The following COMMD3 variants were observed in gnomAD, a reference collection of about 807,000 sequenced individuals.
COMMD3 encodes the protein COMM domain-containing protein 3.
Under a neutral mutation model 31.2 loss-of-function variants are expected in COMMD3, and 31 were observed. The observed-to-expected ratio is 0.99, with a 90% CI of 0.75 to 1.34. The LOEUF is 1.34. COMMD3 is among the 40% of genes most tolerant of loss of function. The pLI is 0.00. For missense variants in COMMD3, 274 were observed against 236.9 expected (o/e 1.16, Z -1.03); for synonymous variants, 108 against 87.3 (o/e 1.24, Z -1.32).
At chr10:22,317,529 A>G (rs1835873727) in intron 1 of COMMD3, 1 of 174,824 alleles carries the variant, frequency 5.7e-6, no homozygotes, top group Admixed American at 5.7e-5. Context: ...AGTTTATTCT[A>G]AAATTGACAC....
intron 4 of COMMD3, 60 bp from the exon 5 acceptor site, chr10:22,318,593 T>C (rs1835898391): frequency 6.9e-7 from 1 of 1,442,276 alleles, no homozygotes; most frequent in Non-Finnish European, 9.7e-7. Context: ...TTAGTAAATA[T>C]AAATAACTGA....
At chr10:22,319,790 A>G (rs2131994173) in intron 7 of COMMD3, 149 bp from the exon 8 acceptor site, 1 of 927,294 alleles carries the variant, frequency 1.1e-6, no homozygotes, top group Middle Eastern at 3.4e-4. Context: ...TTTTTGCCCG[A>G]TAGTAGTTTG....
Position 22,316,532 on chromosome 10 carries a change from GC to G in COMMD3, c.118del (p.Gln40ArgfsTer7), listed in dbSNP as rs1835852979. On this transcript the variant is annotated frameshift_variant, in exon 1 of 8. Coordinates refer to ENST00000376836, the MANE Select transcript of COMMD3 (RefSeq NM_012071.4). LOFTEE classifies it high-confidence loss of function. ...LRAAFQSLLD[A>X]QADEAVLDHP... is the part of the protein sequence containing the mutation. ...GGCGGCATTCCAGAGTCTGCTGGACGCCCAGGCGGACGAGGCCGTGTTAGGT... is the reference window on the plus strand; with the variant it reads ...GGCGGCATTCCAGAGTCTGCTGGACGCCAGGCGGACGAGGCCGTGTTAGGT... The G allele has an allele frequency of 1.3e-6, 2 of 1,549,078 alleles. No individual in the cohort carries two copies. Among genetic ancestry groups the G allele is most frequent in the Middle Eastern group, 1.7e-4 (1 of 5,974 alleles).
chr10:22,318,276 A>G lies in COMMD3; in HGVS notation c.320A>G (p.Asn107Ser). The change falls in exon 4 of 8, where the codon AAT (asparagine) becomes AGT (serine). Residue 107 changes from asparagine to serine, a missense_variant. Transcript: ENST00000376836. The part of the protein sequence containing the change: ...IELFCTEYQN[N>S]KNSLEILLGS... ...TGCTTTCTTTTTTCTCTCCAGAATA[A>G]TAAGAATTCCCTAGAAATCCTACTG... The G allele has an allele frequency of 1.5e-5, 24 of 1,602,868 alleles. No homozygotes were observed. The highest frequency in any genetic ancestry group is 1.9e-5 in the Non-Finnish European group (22 of 1,177,248).
In COMMD3 at chr10:22,320,229, T is replaced by C; in HGVS notation, c.*231T>C. 1 of 1,188,072 alleles carries C rather than the reference T, an allele frequency of 8.4e-7. No individual in the cohort carries two copies. The highest frequency in any genetic ancestry group is 2.9e-5 in the East Asian group (1 of 34,710). The allele number at this position is 1,188,072 out of a possible 1,614,324, so 73.6% of individuals were successfully genotyped here. A position where few individuals can be genotyped will look rare whatever the true frequency, so the allele number is the denominator to read the frequency against. On this transcript the variant is annotated 3_prime_UTR_variant, in exon 8 of 8. Coordinates refer to ENST00000376836, the MANE Select transcript of COMMD3 (RefSeq NM_012071.4). ...TAGTAGTAACTGTCCATTTATCCTA[T>C]TTTGATCTTTTTCAAGTCTTCTGAA...
chr10:22,318,323 G>T lies in COMMD3; in HGVS notation c.350+17G>T. 6.3e-7 allele frequency: 1 copy of T among 1,588,860 alleles called. No homozygotes were observed. Among genetic ancestry groups the T allele is most frequent in the Admixed American group, 1.9e-5 (1 of 52,770 alleles). ...ACTGGGAAGGTAGGTACTGTATAAG[G>T]TGTCAAGCTGAGGCACTTTTCACTT... On this transcript the variant is annotated intron_variant, in intron 4 of 7. Coordinates refer to ENST00000376836, the MANE Select transcript of COMMD3 (RefSeq NM_012071.4).
chr10:22,319,923 T>C lies in COMMD3; in HGVS notation c.529-16T>C. 6.2e-7 allele frequency: 1 copy of C among 1,614,080 alleles called. No individual in the cohort carries two copies. Among genetic ancestry groups the C allele is most frequent in the South Asian group, 1.1e-5 (1 of 91,088 alleles). On this transcript the variant is annotated splice_polypyrimidine_tract_variant and intron_variant, in intron 7 of 7. Transcript: ENST00000376836. The stretch of plus-strand genomic sequence containing the variant: ...GTTTTATCCTAAAAACGTGGTATTG[T>C]ATACACGTCTTTTAGGACTTGGTGG...
At chr10:22,318,738 C>G (rs763877450) in intron 5 of COMMD3, 25 bp downstream of exon 5, 2 of 1,612,086 alleles carry the variant, frequency 1.2e-6, no homozygotes, top group Admixed American at 3.3e-5. Flanking sequence ...ACTTCTCTAG[C>G]GGGGGATTTA....
Position 22,316,405 on chromosome 10 carries a change from C to A in COMMD3, c.-13C>A, listed in dbSNP as rs750185070. 2 of 1,492,700 alleles carry A rather than the reference C, an allele frequency of 1.3e-6. No individual in the cohort carries two copies. The highest frequency in any genetic ancestry group is 1.4e-5 in the African/African-American group (1 of 70,002). The allele number at this position is 1,492,700 out of a possible 1,614,324, so 92.5% of individuals were successfully genotyped here. On this transcript the variant is annotated 5_prime_UTR_variant, in exon 1 of 8. Transcript: ENST00000376836. ...CACGTGGTGTGCGTGTCGAAGGTCA[C>A]GGCGCGCTCACAATGGAGCTCTCGG...
At position 22,320,228 on chromosome 10, in the gene COMMD3, A is replaced by G. The variant is rs577323828; in HGVS notation, c.*230A>G. 1.3e-5 allele frequency: 16 copies of G among 1,203,766 alleles called. No homozygotes were observed. In the South Asian group the frequency reaches 1.8e-4, roughly 13 times the overall value. 74.6% of individuals were successfully genotyped at this position (1,203,766 alleles called of 1,614,324 possible). Reference sequence around the variant, plus strand: ...TTAGTAGTAACTGTCCATTTATCCTATTTTGATCTTTTTCAAGTCTTCTGA... The same window carrying G: ...TTAGTAGTAACTGTCCATTTATCCTGTTTTGATCTTTTTCAAGTCTTCTGA... On this transcript the variant is annotated 3_prime_UTR_variant, in exon 8 of 8. Coordinates refer to ENST00000376836, the MANE Select transcript of COMMD3 (RefSeq NM_012071.4).
chr10:22,316,665 C>G (rs1835856284), intron 1 of COMMD3, 109 bp downstream of exon 1: 1 of 1,361,784 alleles, frequency 7.3e-7, no homozygotes. Flanking sequence ...AGGAAGTCTC[C>G]GGGCTTTGCC....
At chr10:22,318,383 G>T in intron 4 of COMMD3, 77 bp downstream of exon 4, 1 of 1,539,628 alleles carries the variant, frequency 6.5e-7, no homozygotes, top group Admixed American at 2.2e-5. Flanking sequence ...TGTGAAACAA[G>T]ATCTTCGGGA....
Position 22,318,677 on chromosome 10 carries a change from A to G in COMMD3, c.375A>G (p.Ile125Met). The change falls in exon 5 of 8, where the codon ATA (isoleucine) becomes ATG (methionine). Residue 125 changes from isoleucine (I) to methionine (M), a missense_variant. Ile to Met is a conservative substitution (Grantham distance 10). Transcript: ENST00000376836. ...LGSIGRSLPH[I>M]TDVSWRLEYQ... is the part of the protein sequence containing the mutation. ...GTATAGGCAGATCTCTCCCTCATAT[A>G]ACGGATGTTTCTTGGCGCTTGGAAT... 6.2e-7 allele frequency: 1 copy of G among 1,613,456 alleles called. No homozygotes were observed. Among genetic ancestry groups the G allele is most frequent in the Non-Finnish European group, 8.5e-7 (1 of 1,179,524 alleles).
rs1253830480 is a variant in COMMD3, at chr10:22,318,156, C to A, written c.303C>A (p.Cys101Ter). The A allele has an allele frequency of 1.2e-6, 2 of 1,612,530 alleles. No homozygotes were observed. The highest frequency in any genetic ancestry group is 1.7e-6 in the Non-Finnish European group (2 of 1,179,698). Residue 101 changes from cysteine to a stop codon, truncating the protein, a stop_gained, in exon 3 of 8, where the codon TGC becomes TGA. Coordinates refer to ENST00000376836, the MANE Select transcript of COMMD3 (RefSeq NM_012071.4). LOFTEE classifies it high-confidence loss of function. The stretch of plus-strand genomic sequence containing the variant: ...ACAGAGAGCGAATAGAACTGTTTTG[C>A]ACGGAATATCAGGTTACTTACTTTA... Reference protein sequence around the residue: ...KFDRERIELFCTEYQNNKNSL... With the variant: ...KFDRERIELF
chr10:22,319,902 T>C (rs1384461361), intron 7 of COMMD3, 37 bp from the exon 8 acceptor site: 3 of 1,611,358 alleles, frequency 1.9e-6, no homozygotes, highest in Non-Finnish European at 1.7e-6. Context: ...TTCCATGTTT[T>C]ATCCTAAAAA....
In COMMD3 at chr10:22,316,421, G is replaced by C. The variant is rs953209238; in HGVS notation, c.4G>C (p.Glu2Gln). ...CGAAGGTCACGGCGCGCTCACAATG[G>C]AGCTCTCGGAGTCTGTGCAGAAAGG... M[E>Q]LSESVQKGFQ... The change falls in exon 1 of 8, where the codon GAG becomes CAG. Residue 2 changes from glutamate (E) to glutamine (Q), a missense_variant. By Grantham distance (29) the Glu-to-Gln change is conservative (BLOSUM62 2). Coordinates refer to ENST00000376836, the MANE Select transcript of COMMD3 (RefSeq NM_012071.4). 1 of 1,531,344 alleles carries C rather than the reference G, an allele frequency of 6.5e-7. No individual in the cohort carries two copies. The highest frequency in any genetic ancestry group is 2.0e-5 in the Admixed American group (1 of 49,796). The allele number at this position is 1,531,344 out of a possible 1,614,324, so 94.9% of individuals were successfully genotyped here. A position where few individuals can be genotyped will look rare whatever the true frequency, so the allele number is the denominator to read the frequency against.
chr10:22,316,733 GAGCATTGTTTTGGC>G (rs1465764270), intron 1 of COMMD3, 177 bp downstream of exon 1: 3 of 1,209,218 alleles, frequency 2.5e-6, no homozygotes, highest in Non-Finnish European at 3.2e-6. Context: ...AGCAGACTCT[GAGCATTGTTTTGGC>G]CCCACTTGGC....
At chr10:22,319,738 A>T in intron 7 of COMMD3, 1 of 588,010 alleles carries the variant, frequency 1.7e-6, no homozygotes, top group East Asian at 3.1e-5. Flanking sequence ...GTGTGAGGGC[A>T]AATAACCGAT....
chr10:22,318,353 G>T, intron 4 of COMMD3, 47 bp downstream of exon 4: 1 of 1,574,252 alleles, frequency 6.4e-7, no homozygotes, highest in Non-Finnish European at 8.6e-7. Context: ...TCACTTGCAG[G>T]TATGAATGGA....
Sources: gnomAD v4.1 joint callset for allele counts on GRCh38, gnomAD v4.1.1 for gene constraint, MANE v1.5 for transcripts, NCBI Gene and HGNC (gene_info 2026-07-23, HGNC 2026-07-21) for gene names.